HECW2: variants seen among roughly 807,000 people sequenced by gnomAD.
The protein encoded by HECW2 is HECT, C2 and WW domain containing E3 ubiquitin protein ligase 2.
HECW2 carries 61 observed loss-of-function variants against 175.2 expected under a neutral mutation model. The ratio of observed to expected loss-of-function variants is 0.35; its 90% CI spans 0.28 to 0.43. The LOEUF (loss-of-function observed/expected upper bound fraction) is 0.43, where lower values mean the gene tolerates loss of function less well. HECW2 is among the 20% of genes least tolerant of loss of function. The pLI is 1.00. For synonymous variants in HECW2, 671 were observed against 731.0 expected, an observed-to-expected ratio of 0.92 and a Z score of 1.32; for missense variants, 1,524 against 2,000.5, an observed-to-expected ratio of 0.76 and a Z score of 4.54.
Position 196,242,076 on chromosome 2 carries a change from T to C in HECW2, c.3650+8A>G, listed in dbSNP as rs1310640169. On this transcript the variant is annotated splice_region_variant and intron_variant, in intron 20 of 28. Transcript: ENST00000644978. The stretch of plus-strand genomic sequence containing the variant: ...ATACATTATGTGGTTTGTGTCACTT[T>C]GACTTACTTTAACTTCCCTGGGCCT... 3.1e-6 allele frequency: 5 copies of C among 1,613,500 alleles called. No individual in the cohort carries two copies. Among genetic ancestry groups the C allele is most frequent in the Non-Finnish European group, 4.2e-6 (5 of 1,179,814 alleles).
intron 2 of HECW2, among the ~76,000 whole-genome samples, chr2:196,419,388 T>G (rs1367853700): frequency 6.6e-6 from 1 of 152,200 alleles, no homozygotes; most frequent in Non-Finnish European, 1.5e-5. Flanking sequence ...AAGACTGGCA[T>G]GTGCACATAC....
chr2:196,342,904 T>A lies in HECW2; in HGVS notation c.400+753A>T, dbSNP rs142123404. On this transcript the variant is annotated intron_variant, in intron 3 of 28. Transcript: ENST00000644978. ...CATATGAATAAATATTAATTATAGATATAAAGGGTATATAAAAATGTGTAA... is the reference window on the plus strand; with the variant it reads ...CATATGAATAAATATTAATTATAGAAATAAAGGGTATATAAAAATGTGTAA... 5.5e-4 allele frequency among the ~76,000 whole-genome samples: 84 copies of A among 151,986 alleles called. 1 individual carries two copies. The East Asian group carries it at 0.015, about 27-fold the overall frequency.
intron 13 of HECW2, among the ~76,000 whole-genome samples, chr2:196,297,486 T>C (rs1445665511): frequency 6.6e-6 from 1 of 152,256 alleles, no homozygotes; most frequent in East Asian, 1.9e-4. Flanking sequence ...TACTTAGTTC[T>C]TGTCAACCAC....
intron 6 of HECW2, among the ~76,000 whole-genome samples, chr2:196,324,063 T>A (rs1286797172): frequency 6.6e-6 from 1 of 152,126 alleles, no homozygotes; most frequent in Non-Finnish European, 1.5e-5. Context: ...CAGATAACTA[T>A]ATCTTTTCTG....
At chr2:196,470,463 G>A (rs1176038546) in intron 1 of HECW2, among the ~76,000 whole-genome samples, 1 of 152,154 alleles carries the variant, frequency 6.6e-6, no homozygotes, top group Non-Finnish European at 1.5e-5. Flanking sequence ...CTTTGTGGAT[G>A]CTAAACTTTA....
At position 196,475,541 on chromosome 2, in the gene HECW2, C is replaced by T. The variant is rs191669330; in HGVS notation, c.-35-42083G>A. 4.6e-5 allele frequency among the ~76,000 whole-genome samples: 7 copies of T among 152,188 alleles called. 1 individual carries two copies. The South Asian group carries it at 8.3e-4, about 18-fold the overall frequency. On this transcript the variant is annotated intron_variant, in intron 1 of 28. Coordinates refer to ENST00000644978, the MANE Select transcript of HECW2 (RefSeq NM_001348768.2). ...TTATCAGAACTTCACCTCTTTTTCC[C>T]GATTTCTAACCTCTGCTTTTCTCTG...
chr2:196,238,964 T>A (rs1002199704), intron 21 of HECW2: 1 of 152,240 alleles, frequency 6.6e-6, no homozygotes, highest in Non-Finnish European at 1.5e-5. Flanking sequence ...GGTCCAACAA[T>A]GAAGGGAGGC....
chr2:196,459,720 C>T (rs1273466288), intron 1 of HECW2, among the ~76,000 whole-genome samples: 1 of 152,186 alleles, frequency 6.6e-6, no homozygotes, highest in Non-Finnish European at 1.5e-5. Flanking sequence ...AACCAACCAG[C>T]ATTCCTTCTT....
rs758983822 is a variant in HECW2, at chr2:196,222,261, G to A, written c.4096C>T (p.His1366Tyr). The A allele has an allele frequency of 6.2e-7, 1 of 1,613,768 alleles. No homozygotes were observed. Among genetic ancestry groups the A allele is most frequent in the Non-Finnish European group, 8.5e-7 (1 of 1,179,806 alleles). The change falls in exon 24 of 29, where the codon CAT becomes TAT. Residue 1366 changes from histidine to tyrosine, a missense_variant. Coordinates refer to ENST00000644978, the MANE Select transcript of HECW2 (RefSeq NM_001348768.2). ...GTGAACGTGAGGTCTAGGATGTCAT[G>A]GATATCATTGTCTTTCATCCACTGC... ...SLQWMKDNDI[H>Y]DILDLTFTVN...
intron 1 of HECW2, among the ~76,000 whole-genome samples, chr2:196,497,942 A>G (rs910979514): frequency 6.6e-6 from 1 of 152,218 alleles, no homozygotes; most frequent in African/African-American, 2.4e-5. Context: ...GGCTGTCCAC[A>G]CTTTGTTGAA....
Position 196,318,750 on chromosome 2 carries a change from T to G in HECW2, c.2140A>C (p.Ser714Arg), listed in dbSNP as rs746674268. The G allele has an allele frequency of 6.5e-7, 1 of 1,531,650 alleles. No homozygotes were observed. The highest frequency in any genetic ancestry group is 8.8e-7 in the Non-Finnish European group (1 of 1,139,056). 94.9% of individuals were successfully genotyped at this position (1,531,650 alleles called of 1,614,324 possible). A position where few individuals can be genotyped will look rare whatever the true frequency, so the allele number is the denominator to read the frequency against. Residue 714 changes from serine (S) to arginine (R), a missense_variant, in exon 9 of 29, where the codon AGT becomes CGT. By Grantham distance (110) the Ser-to-Arg change is moderately radical. This residue lies in a region of HECW2 where 604 missense variants were observed against 588.3 expected (regional missense o/e 1.03). Coordinates refer to ENST00000644978, the MANE Select transcript of HECW2 (RefSeq NM_001348768.2). ...AGSLPVVQVP[S>R]GEDEGPGAES... is the part of the protein sequence containing the mutation. ...GCCCCTGGCCCTTCATCCTCCCCAC[T>G]GGGCACCTGTACCACAGGTAAAGAA...
chr2:196,206,991 C>T (rs1687091163), intron 28 of HECW2, among the ~76,000 whole-genome samples: 2 of 152,166 alleles, frequency 1.3e-5, no homozygotes, highest in South Asian at 2.1e-4. Flanking sequence ...CAGGTTTTCT[C>T]TGAATCAACA....
At chr2:196,223,743 G>C (rs1687752024) in intron 23 of HECW2, among the ~76,000 whole-genome samples, 1 of 152,088 alleles carries the variant, frequency 6.6e-6, no homozygotes, top group Non-Finnish European at 1.5e-5. Context: ...AAATGGGGTG[G>C]GATGAGGGGT....
At chr2:196,476,647 C>A (rs1686632959) in intron 1 of HECW2, among the ~76,000 whole-genome samples, 1 of 151,916 alleles carries the variant, frequency 6.6e-6, no homozygotes, top group African/African-American at 2.4e-5. Context: ...ATCCACAAGA[C>A]ATTAAACATC....
chr2:196,242,446 C>T lies in HECW2; in HGVS notation c.3530-242G>A, dbSNP rs1156962860. 1.2e-4 allele frequency: 58 copies of T among 476,176 alleles called. 1 individual carries two copies. The South Asian group carries it at 1.5e-3, about 12-fold the overall frequency. The allele number at this position is 476,176 out of a possible 1,614,324, so 29.5% of individuals were successfully genotyped here. The stretch of plus-strand genomic sequence containing the variant: ...TCTGTTTGAATAGTTACAATGGTGC[C>T]CATGTGTTTCTCAAGTATGTTCCCC... On this transcript the variant is annotated intron_variant, in intron 19 of 28. Transcript: ENST00000644978.
In HECW2 at chr2:196,522,129, T is replaced by A. The variant is rs1434283375; in HGVS notation, c.-36+71379A>T. ...GTAAAAGTGTTCCTATTTCTCCACA[T>A]CCTCTCCAGCATCTGTTGTTTCCTG... is the stretch of plus-strand genomic sequence containing the variant. On this transcript the variant is annotated intron_variant, in intron 1 of 28. Coordinates refer to ENST00000644978, the MANE Select transcript of HECW2 (RefSeq NM_001348768.2). Among the ~76,000 whole-genome samples, 6 of 152,262 alleles carry A rather than the reference T, an allele frequency of 3.9e-5. No homozygotes were observed. The East Asian group carries it at 1.2e-3, about 29-fold the overall frequency.
At chr2:196,452,423 C>A (rs1696374974) in intron 1 of HECW2, among the ~76,000 whole-genome samples, 1 of 152,094 alleles carries the variant, frequency 6.6e-6, no homozygotes, top group African/African-American at 2.4e-5. Flanking sequence ...AACTATACTC[C>A]CAACTCAGTC....
At chr2:196,203,247 C>G (rs915131201) in intron 28 of HECW2, among the ~76,000 whole-genome samples, 5 of 152,112 alleles carry the variant, frequency 3.3e-5, no homozygotes, top group Non-Finnish European at 5.9e-5. Flanking sequence ...CAGGCAAACC[C>G]TTTTTTGATA....
chr2:196,337,573 A>AG (rs1692595655), intron 3 of HECW2, among the ~76,000 whole-genome samples: 2 of 39,072 alleles, frequency 5.1e-5, no homozygotes, highest in South Asian at 3.5e-3. Context: ...AAAAATAAAA[A>AG]AATATATATA....
Sources: gnomAD v4.1 joint callset for allele counts (sites outside exome capture counted in the v4.1 genomes callset) on GRCh38, gnomAD v4.1.1 for gene constraint, gnomAD v4.1.1 regional missense constraint, MANE v1.5 for transcripts, NCBI Gene and HGNC (gene_info 2026-07-23, HGNC 2026-07-21) for gene names.